MYH1: variants seen among roughly 807,000 people sequenced by gnomAD.
MYH1 encodes myosin heavy chain 1, also known as myosin-1.
A neutral mutation model predicts 225.6 loss-of-function variants in MYH1; 214 were observed. The observed-to-expected ratio is 0.95, with a 90% CI of 0.85 to 1.06. The LOEUF (loss-of-function observed/expected upper bound fraction) is 1.06. Among genes scored for constraint, MYH1 ranks in the 50% least tolerant of loss-of-function variants. MYH1 has a pLI of 0.00. For synonymous variants in MYH1, 774 were observed against 842.3 expected, an observed-to-expected ratio of 0.92 and a Z score of 1.40; for missense variants, 2,098 against 2,344.2, an observed-to-expected ratio of 0.89 and a Z score of 2.17.
rs138810034 is a variant in MYH1 at position 10,496,984 on chromosome 17, C to T, written c.4656+85G>A. 3.8e-4 allele frequency: 585 copies of T among 1,527,626 alleles called. 4 individuals are homozygous for T. In the East Asian group the frequency reaches 9.1e-3, roughly 24 times the overall value. The allele number at this position is 1,527,626 out of a possible 1,614,324, so 94.6% of individuals were successfully genotyped here. On this transcript the variant is annotated intron_variant, in intron 33 of 39. Coordinates refer to ENST00000226207, the MANE Select transcript of MYH1 (RefSeq NM_005963.4). The stretch of plus-strand genomic sequence containing the variant: ...AGTTCATGGAGCAAAAATTATTTTT[C>T]GTTTCTCTTGATTCACCATTCCTTA...
In MYH1 at chr17:10,507,955, C is replaced by T. The variant is rs1302179200; in HGVS notation, c.1899G>A (p.Glu633=). The T allele has an allele frequency of 6.2e-7, 1 of 1,612,860 alleles. No homozygotes were observed. Among genetic ancestry groups the T allele is most frequent in the African/African-American group, 1.3e-5 (1 of 74,902 alleles). ...LFVGATGAEA[E]AGGGKKGGKK... ...TACCACCTTTCTTTCCACCGCCAGC[C>T]TCTGAGGGGAAAAAGAAAGCAATCA... is the stretch of plus-strand genomic sequence containing the variant. The change falls in exon 17 of 40, where the codon GAG becomes GAA. Residue 633 remains glutamate (E), a splice_region_variant and synonymous_variant. Transcript: ENST00000226207.
rs375714183 is a variant in MYH1 at position 10,501,377 on chromosome 17, G to A, written c.3471C>T (p.Ala1157=). 18 of 1,614,098 alleles carry A rather than the reference G, an allele frequency of 1.1e-5. No individual in the cohort carries two copies. The highest frequency in any genetic ancestry group is 2.7e-5 in the African/African-American group (2 of 75,046). Residue 1157 remains alanine, a synonymous_variant, in exon 27 of 40, where the codon GCC becomes GCT. Coordinates refer to ENST00000226207, the MANE Select transcript of MYH1 (RefSeq NM_005963.4). ...CAATCTGGGCTGAGGTGGCCCCACC[G>A]GCTTCTTCCAGCCTCTCGCTGATCT... ...LEEISERLEE[A]GGATSAQIEM...
chr17:10,509,805 A>G, intron 14 of MYH1, 150 bp from the exon 15 acceptor site: 3 of 1,366,312 alleles, frequency 2.2e-6, no homozygotes, highest in Non-Finnish European at 3.0e-6. Flanking sequence ...TGCTGCTGTT[A>G]GCATACTTGT....
Position 10,512,668 on chromosome 17 carries a change from A to T in MYH1, c.1008+13T>A. The stretch of plus-strand genomic sequence containing the variant: ...CATAATGGATTTTAAATTAAAATTC[A>T]TGTATAACTTACATCTGTAGCCATC... On this transcript the variant is annotated intron_variant, in intron 11 of 39. Transcript: ENST00000226207. The T allele has an allele frequency of 6.2e-7, 1 of 1,613,232 alleles. No individual in the cohort carries two copies. Among genetic ancestry groups the T allele is most frequent in the East Asian group, 2.2e-5 (1 of 44,868 alleles).
chr17:10,510,942 G>T, intron 14 of MYH1, among the ~76,000 whole-genome samples: 1 of 149,348 alleles, frequency 6.7e-6, no homozygotes. Flanking sequence ...CGATAAAGCT[G>T]TTACTTCAAA....
intron 21 of MYH1, 22 bp downstream of exon 21, chr17:10,505,141 A>C (rs766371616): frequency 3.7e-6 from 6 of 1,613,856 alleles, no homozygotes; most frequent in Non-Finnish European, 5.1e-6. Context: ...GATGAGGTTA[A>C]GTAAAGAATT....
rs1469075715 is a variant in MYH1 at position 10,504,819 on chromosome 17, C to T, written c.2682G>A (p.Gln894=). ...LMQEKNDLQL[Q]VQAEADSLAD... is the part of the protein sequence containing the mutation. ...ACTTCGGGATACTCACAGCTTGAAC[C>T]TGGAGTTGCAAGTCATTTTTTTCTT... The change falls in exon 22 of 40, where the codon CAG becomes CAA. Residue 894 remains glutamine, a synonymous_variant. Transcript: ENST00000226207. 8 of 1,613,772 alleles carry T rather than the reference C, an allele frequency of 5.0e-6. No homozygotes were observed. Among genetic ancestry groups the T allele is most frequent in the African/African-American group, 1.3e-5 (1 of 74,848 alleles).
chr17:10,494,530 T>G (rs1203166244), intron 38 of MYH1, 39 bp downstream of exon 38: 1 of 1,611,022 alleles, frequency 6.2e-7, no homozygotes, highest in Non-Finnish European at 8.5e-7. Flanking sequence ...TAATCCCATG[T>G]GGACTAAAGT....
rs557028763 is a variant in MYH1 at position 10,508,224 on chromosome 17, G to A, written c.1897+139C>T. 18 of 998,474 alleles carry A rather than the reference G, an allele frequency of 1.8e-5. 1 individual carries two copies. Among genetic ancestry groups the A allele is most frequent in the Middle Eastern group, 3.2e-4 (1 of 3,088 alleles). The allele number at this position is 998,474 out of a possible 1,614,324, so 61.9% of individuals were successfully genotyped here. On this transcript the variant is annotated intron_variant, in intron 16 of 39. Transcript: ENST00000226207. Reference sequence around the variant, plus strand: ...AGTAGAGACGGGGTTTTGCTATGTTGACCGGGCTGGTCTTGAACTCCTGAC... The same window carrying A: ...AGTAGAGACGGGGTTTTGCTATGTTAACCGGGCTGGTCTTGAACTCCTGAC...
In MYH1 at chr17:10,508,015, T is replaced by G. The variant is rs530378134; in HGVS notation, c.1898-59A>C. The G allele has an allele frequency of 3.8e-4, 516 of 1,342,888 alleles. 1 individual carries two copies. Among genetic ancestry groups the G allele is most frequent in the South Asian group, 5.5e-4 (42 of 76,728 alleles). 83.2% of individuals were successfully genotyped at this position (1,342,888 alleles called of 1,614,324 possible). A position where few individuals can be genotyped will look rare whatever the true frequency, so the allele number is the denominator to read the frequency against. On this transcript the variant is annotated intron_variant, in intron 16 of 39. Transcript: ENST00000226207. ...CTTTCTCTGGTTATGGTTTTTTTTT[T>G]TTGTTTTTTTTTGTTTTTTTTGACG...
Position 10,498,173 on chromosome 17 carries a change from C to T in MYH1, c.4182-256G>A, listed in dbSNP as rs182859869. Among the ~76,000 whole-genome samples, 108 of 152,336 alleles carry T rather than the reference C, an allele frequency of 7.1e-4. No homozygotes were observed. In the Middle Eastern group the frequency reaches 0.01, roughly 14 times the overall value. On this transcript the variant is annotated intron_variant, in intron 30 of 39. Transcript: ENST00000226207. ...TGACAAGCATGAGCTAACACTTTAC[C>T]CTTCCAGGTAGCTGGTTTATTCCTC...
chr17:10,514,883 T>C lies in MYH1; in HGVS notation c.518A>G (p.Gln173Arg). 6.2e-7 allele frequency: 1 copy of C among 1,612,758 alleles called. No individual in the cohort carries two copies. Among genetic ancestry groups the C allele is most frequent in the Non-Finnish European group, 8.5e-7 (1 of 1,179,104 alleles). ...GAATACATACGTGATCAAGATAGAC[T>C]GATTCTCCCGATCTAGAAGAAAAAC... ...YQFMLTDREN[Q>R]SILITGESGA... Residue 173 changes from glutamine (Q) to arginine (R), a missense_variant, in exon 6 of 40, where the codon CAG becomes CGG. Transcript: ENST00000226207.
rs1018502327 is a variant in MYH1, at chr17:10,513,530, G to A, written c.805+96C>T. 19 of 1,218,606 alleles carry A rather than the reference G, an allele frequency of 1.6e-5. No homozygotes were observed. In the South Asian group the frequency reaches 2.3e-4, roughly 14 times the overall value. The allele number at this position is 1,218,606 out of a possible 1,614,324, so 75.5% of individuals were successfully genotyped here. A position where few individuals can be genotyped will look rare whatever the true frequency, so the allele number is the denominator to read the frequency against. ...CAAGCATGTTTGGCAGCAGACTGGTGCTTTACAAGCTCCATGTTCAGCAGG... is the reference window on the plus strand; with the variant it reads ...CAAGCATGTTTGGCAGCAGACTGGTACTTTACAAGCTCCATGTTCAGCAGG... On this transcript the variant is annotated intron_variant, in intron 9 of 39. Coordinates refer to ENST00000226207, the MANE Select transcript of MYH1 (RefSeq NM_005963.4).
Position 10,501,053 on chromosome 17 carries a change from T to C in MYH1, c.3738+57A>G, listed in dbSNP as rs547942961. ...AGACGTTTTTGAGATACAAATCATA[T>C]TTGTGCTAAAGGGAAAAACAAAAAA... On this transcript the variant is annotated intron_variant, in intron 27 of 39. Transcript: ENST00000226207. 2.0e-5 allele frequency: 32 copies of C among 1,593,890 alleles called. 2 individuals are homozygous for C. In the South Asian group the frequency reaches 3.4e-4, roughly 17 times the overall value.
chr17:10,507,489 C>A (rs1443191497), intron 17 of MYH1, among the ~76,000 whole-genome samples: 1 of 152,190 alleles, frequency 6.6e-6, no homozygotes, highest in Non-Finnish European at 1.5e-5. Flanking sequence ...CGGTTCTATA[C>A]CAATGTATCT....
chr17:10,514,441 T>C (rs1193347009), intron 6 of MYH1, among the ~76,000 whole-genome samples: 5 of 152,224 alleles, frequency 3.3e-5, no homozygotes, highest in African/African-American at 1.2e-4. Flanking sequence ...GGAAACTCTA[T>C]GAAACGTGCA....
chr17:10,513,826 G>T lies in MYH1; in HGVS notation c.736C>A (p.Arg246Ser). 1 of 1,614,158 alleles carries T rather than the reference G, an allele frequency of 6.2e-7. No individual in the cohort carries two copies. The highest frequency in any genetic ancestry group is 1.1e-5 in the South Asian group (1 of 91,084). The change falls in exon 8 of 40, where the codon CGC becomes AGC. Residue 246 changes from arginine (R) to serine (S), a missense_variant. Transcript: ENST00000226207. ...TTGGCAACCAAGAGACTTACAAAGC[G>T]AGAGGAGTTGTCATTCCTCACGGTC... Reference protein sequence around the residue: ...AKTVRNDNSSRFGKFIRIHFG... With the variant: ...AKTVRNDNSSSFGKFIRIHFG...
Position 10,501,144 on chromosome 17 carries a change from A to G in MYH1, c.3704T>C (p.Leu1235Pro), listed in dbSNP as rs188804570. ...GGAGACAGTCTCCATGTTACTAGCA[A>G]GGTCATCGATCTCCATCTTCATCTC... Reference protein sequence around the residue: ...KSEMKMEIDDLASNMETVSKA... With the variant: ...KSEMKMEIDDPASNMETVSKA... The change falls in exon 27 of 40, where the codon CTT (leucine) becomes CCT (proline). Residue 1235 changes from leucine to proline, a missense_variant. Physicochemically the swap from Leu to Pro is moderately conservative, Grantham distance 98. Coordinates refer to ENST00000226207, the MANE Select transcript of MYH1 (RefSeq NM_005963.4). The G allele has an allele frequency of 6.2e-7, 1 of 1,614,116 alleles. No individual in the cohort carries two copies. The highest frequency in any genetic ancestry group is 8.5e-7 in the Non-Finnish European group (1 of 1,179,978).
chr17:10,513,988 T>G, intron 7 of MYH1, 22 bp downstream of exon 7: 1 of 1,614,114 alleles, frequency 6.2e-7, no homozygotes, highest in African/African-American at 1.3e-5. Context: ...GAGCCTGGAT[T>G]CTGACTAACA....
Sources: gnomAD v4.1 joint callset for allele counts (sites outside exome capture counted in the v4.1 genomes callset) on GRCh38, gnomAD v4.1.1 for gene constraint, MANE v1.5 for transcripts, NCBI Gene and HGNC (gene_info 2026-07-23, HGNC 2026-07-21) for gene names.